The following ROBO2 variants were observed in gnomAD, a reference collection of about 807,000 sequenced individuals.
The protein encoded by ROBO2 is roundabout homolog 2.
ROBO2 carries 53 observed loss-of-function variants against 160.8 expected under a neutral mutation model. The observed-to-expected ratio is 0.33, with a 90% confidence interval of 0.26 to 0.41. ROBO2 has a LOEUF of 0.41. Ranked by LOEUF, ROBO2 falls within the 10% of genes least tolerant of loss-of-function variation. The probability of loss-of-function intolerance (pLI) is 1.00; values close to 1 mark genes in which losing one functional copy is unlikely to be tolerated. For synonymous variants in ROBO2, 664 were observed against 611.7 expected (o/e 1.09, Z -1.26); for missense variants, 1,577 against 1,722.4 (o/e 0.92, Z 1.49).
intron 4 of ROBO2, among the ~76,000 whole-genome samples, chr3:77,483,064 T>C (rs1331468421): frequency 6.6e-6 from 1 of 152,132 alleles, no homozygotes; most frequent in Non-Finnish European, 1.5e-5. Context: ...TCTAAATTAT[T>C]TTGAAAATAG....
At chr3:76,420,974 C>G (rs1289980633) in intron 2 of ROBO2, among the ~76,000 whole-genome samples, 1 of 152,122 alleles carries the variant, frequency 6.6e-6, no homozygotes, top group African/African-American at 2.4e-5. Flanking sequence ...TTGTATTCAG[C>G]CCTGGAGATG....
intron 2 of ROBO2, among the ~76,000 whole-genome samples, chr3:76,477,086 C>T (rs1246768118): frequency 1.3e-5 from 2 of 152,128 alleles, no homozygotes; most frequent in Non-Finnish European, 2.9e-5. Context: ...CTGTCTACTC[C>T]GTGGAGGTGT....
At chr3:76,105,753 T>G (rs2069899793) in intron 2 of ROBO2, among the ~76,000 whole-genome samples, 1 of 151,904 alleles carries the variant, frequency 6.6e-6, no homozygotes, top group African/African-American at 2.4e-5. Flanking sequence ...TGGTATTGCC[T>G]ATAAGAGCAA....
rs1314393480 is a variant in ROBO2, at chr3:76,217,513, C to T, written c.109+279911C>T. Among the ~76,000 whole-genome samples, 5 of 152,058 alleles carry T rather than the reference C, an allele frequency of 3.3e-5. No homozygotes were observed. In the East Asian group the frequency reaches 5.8e-4, roughly 18 times the overall value. Reference sequence around the variant, plus strand: ...CCGATCCCACAGAAATACAAACTACCGTCAGAGAATACTATAAAAACCTCT... The same window carrying T: ...CCGATCCCACAGAAATACAAACTACTGTCAGAGAATACTATAAAAACCTCT... On this transcript the variant is annotated intron_variant, in intron 2 of 26. Coordinates refer to the ROBO2 transcript ENST00000487694.
chr3:77,603,949 C>T (rs1487226320), intron 20 of ROBO2: 1 of 151,954 alleles, frequency 6.6e-6, no homozygotes, highest in African/African-American at 2.4e-5. Context: ...TTTTTAATTA[C>T]AGGTTATTTG....
chr3:76,965,785 G>GTACATATATATATA (rs2059250194), intron 2 of ROBO2, among the ~76,000 whole-genome samples: 1 of 129,222 alleles, frequency 7.7e-6, no homozygotes, highest in African/African-American at 3.1e-5. Flanking sequence ...TTGTGTTTGT[G>GTACATATATATATA]TATATATATA....
chr3:76,758,453 G>T (rs1387476637), intron 2 of ROBO2, among the ~76,000 whole-genome samples: 2 of 151,746 alleles, frequency 1.3e-5, no homozygotes, highest in African/African-American at 4.8e-5. Context: ...CTCAGGTTTT[G>T]TCCTTAACTA....
At chr3:76,967,797 A>T (rs911432453) in intron 2 of ROBO2, among the ~76,000 whole-genome samples, 8 of 152,104 alleles carry the variant, frequency 5.3e-5, no homozygotes, top group Non-Finnish European at 1.5e-5. Flanking sequence ...CGCCTGCCTC[A>T]GCAACCGAAA....
At chr3:75,948,359 C>T (rs1363786310) in intron 2 of ROBO2, among the ~76,000 whole-genome samples, 1 of 152,056 alleles carries the variant, frequency 6.6e-6, no homozygotes, top group Admixed American at 6.6e-5. Context: ...ATCAAACTCT[C>T]CTGATGAGGA....
chr3:77,416,737 AGAAAG>A (rs1254305591), intron 2 of ROBO2, among the ~76,000 whole-genome samples: 26 of 144,812 alleles, frequency 1.8e-4, no homozygotes, highest in Admixed American at 1.8e-3. Context: ...AAAAAAAAAA[AGAAAG>A]GAAATTTATC....
rs193055047 is a variant in ROBO2, at chr3:76,998,432, T to C, written c.110-99582T>C. 1.1e-4 allele frequency among the ~76,000 whole-genome samples: 16 copies of C among 152,246 alleles called. No individual in the cohort carries two copies. In the East Asian group the frequency reaches 2.9e-3, roughly 28 times the overall value. On this transcript the variant is annotated intron_variant, in intron 2 of 26. Transcript: ENST00000487694. ...TAAAGACAAAGGTCCTAGTCTCAGG[T>C]CATATTCACAATGTTTAACATACAT...
chr3:76,855,657 C>T (rs1368734482), intron 2 of ROBO2, among the ~76,000 whole-genome samples: 1 of 152,160 alleles, frequency 6.6e-6, no homozygotes, highest in Non-Finnish European at 1.5e-5. Flanking sequence ...CATAAATCTG[C>T]CATGAACATT....
intron 24 of ROBO2, among the ~76,000 whole-genome samples, chr3:77,643,972 C>T (rs1057026433): frequency 2.0e-5 from 3 of 151,864 alleles, no homozygotes; most frequent in African/African-American, 7.3e-5. Flanking sequence ...AAAATAATAG[C>T]CCATACATAG....
At chr3:76,434,155 G>T in intron 2 of ROBO2, 1 of 1,174,482 alleles carries the variant, frequency 8.5e-7, no homozygotes, top group Non-Finnish European at 1.3e-6. Context: ...CTGCTTGCTG[G>T]TCCTGTGGCA....
chr3:77,020,726 CAT>C (rs1491480246), intron 2 of ROBO2, among the ~76,000 whole-genome samples: 1 of 147,892 alleles, frequency 6.8e-6, no homozygotes, highest in Admixed American at 6.6e-5. Context: ...GATACAAAAT[CAT>C]AGTTTCCAAC....
intron 8 of ROBO2, among the ~76,000 whole-genome samples, chr3:77,554,445 C>T (rs925127621): frequency 1.3e-5 from 2 of 151,932 alleles, no homozygotes; most frequent in South Asian, 4.1e-4. Context: ...TTTTCCAAGG[C>T]TATAGCTGCT....
chr3:76,296,431 C>T (rs150705379), intron 2 of ROBO2, among the ~76,000 whole-genome samples: 282 of 152,286 alleles, frequency 1.9e-3, no homozygotes, highest in Middle Eastern at 0.014. Flanking sequence ...TTCCTCTGTC[C>T]TTTCTCCATG....
chr3:75,946,526 G>C (rs1948299175), intron 2 of ROBO2, among the ~76,000 whole-genome samples: 1 of 152,006 alleles, frequency 6.6e-6, no homozygotes, highest in Non-Finnish European at 1.5e-5. Context: ...GTGGTAACAT[G>C]GTTGAGTAAA....
rs370537661 is a variant in ROBO2 at position 77,477,815 on chromosome 3, A to G, written c.546+244A>G. Among the ~76,000 whole-genome samples the G allele has an allele frequency of 6.1e-4, 86 of 141,556 alleles. 1 individual carries two copies. Among genetic ancestry groups the G allele is most frequent in the Middle Eastern group, 3.8e-3 (1 of 262 alleles). 92.9% of individuals were successfully genotyped at this position (141,556 alleles called of 152,430 possible). The stretch of plus-strand genomic sequence containing the variant: ...CTGAGTTATATCTTTACACTGCAAT[A>G]TTGATATTTTAGCTCTTTTTTTTTT... On this transcript the variant is annotated intron_variant, in intron 3 of 25. Transcript: ENST00000461745.
Sources: allele counts gnomAD v4.1 joint callset (sites outside exome capture counted in the v4.1 genomes callset), GRCh38; gene constraint gnomAD v4.1.1; transcripts MANE v1.5; gene names NCBI Gene and HGNC (gene_info 2026-07-23, HGNC 2026-07-21).